Variants in SLC35E1 observed in about 807,000 individuals in gnomAD.
SLC35E1 encodes solute carrier family 35, member E1.
SLC35E1 carries 12 observed loss-of-function variants against 31.0 expected under a neutral mutation model. The ratio of observed to expected loss-of-function variants is 0.39; its 90% CI spans 0.25 to 0.63. The LOEUF is 0.63. Among genes scored for constraint, SLC35E1 ranks in the 20% least tolerant of loss-of-function variants. The pLI, the probability that SLC35E1 is intolerant of heterozygous loss-of-function variation, is 0.52. For synonymous variants in SLC35E1, 257 were observed against 264.1 expected (o/e 0.97, Z 0.26); for missense variants, 429 against 572.2 (o/e 0.75, Z 2.55).
In SLC35E1 at chr19:16,553,752, ATGT is replaced by A; in HGVS notation, c.1157_1159del (p.Asn386del). 6.2e-7 allele frequency: 1 copy of A among 1,611,848 alleles called. No individual in the cohort carries two copies. The highest frequency in any genetic ancestry group is 8.5e-7 in the Non-Finnish European group (1 of 1,178,784). On this transcript the variant is annotated inframe_deletion, in exon 6 of 6. Coordinates refer to ENST00000595753, the MANE Select transcript of SLC35E1 (RefSeq NM_024881.5). Reference sequence around the variant, plus strand: ...GCTGTATTGGAAGTGGTCTGTTAAGATGTTGTTGCGGCCGTACTGATAGTCCCC... The same window carrying A: ...GCTGTATTGGAAGTGGTCTGTTAAGATGTTGCGGCCGTACTGATAGTCCCC...
Position 16,555,790 on chromosome 19 carries a change from T to G in SLC35E1, c.757-393A>C. The G allele has an allele frequency of 4.3e-6, 1 of 232,346 alleles. No homozygotes were observed. The allele number at this position is 232,346 out of a possible 1,614,324, so 14.4% of individuals were successfully genotyped here. A position where few individuals can be genotyped will look rare whatever the true frequency, so the allele number is the denominator to read the frequency against. ...GTTGGAGGTCCTGGGAAGGTGGCTC[T>G]GAGCCTGCGAAGTACCTGGTAATAC... is the stretch of plus-strand genomic sequence containing the variant. On this transcript the variant is annotated intron_variant, in intron 4 of 5. Coordinates refer to ENST00000595753, the MANE Select transcript of SLC35E1 (RefSeq NM_024881.5). This position sits in a 1 kb window ranked among gnomAD's most constrained non-coding sequence, Gnocchi z 4.1.
intron 5 of SLC35E1, among the ~76,000 whole-genome samples, chr19:16,554,534 G>C (rs896989149): frequency 4.6e-5 from 7 of 151,850 alleles, no homozygotes; most frequent in Admixed American, 2.6e-4. Flanking sequence ...AGAAACAAAT[G>C]AAGAGGCCAG....
intron 4 of SLC35E1, among the ~76,000 whole-genome samples, chr19:16,558,201 G>T (rs1014688748): frequency 2.6e-5 from 4 of 151,688 alleles, no homozygotes; most frequent in Non-Finnish European, 1.5e-5. Context: ...CCACCACCAT[G>T]CCCAGCTAAT....
At chr19:16,569,340 TGTTAC>T (rs1249290628) in intron 2 of SLC35E1, among the ~76,000 whole-genome samples, 2 of 152,032 alleles carry the variant, frequency 1.3e-5, no homozygotes, top group African/African-American at 4.8e-5. Flanking sequence ...CCACTCTGTC[TGTTAC>T]ATCATCCGGT....
Position 16,552,379 on chromosome 19 carries a change from T to A in SLC35E1, c.*1300A>T, listed in dbSNP as rs1430203136. ...TTTTTGAGATGGAGTCTCGCTCTGT[T>A]ACCCAGGCTGGAGTGCACAATCTCG... On this transcript the variant is annotated 3_prime_UTR_variant, in exon 6 of 6. Coordinates refer to ENST00000595753, the MANE Select transcript of SLC35E1 (RefSeq NM_024881.5). 6.6e-6 allele frequency: 1 copy of A among 151,724 alleles called. No individual in the cohort carries two copies. The highest frequency in any genetic ancestry group is 1.5e-5 in the Non-Finnish European group (1 of 67,898). The allele number at this position is 151,724 out of a possible 1,614,324, so 9.4% of individuals were successfully genotyped here. A position where few individuals can be genotyped will look rare whatever the true frequency, so the allele number is the denominator to read the frequency against.
intron 2 of SLC35E1, among the ~76,000 whole-genome samples, chr19:16,570,183 C>A (rs1026771684): frequency 2.0e-5 from 3 of 152,210 alleles, no homozygotes; most frequent in Non-Finnish European, 4.4e-5. Context: ...ATGTCCCGTA[C>A]AACGGGGAAA....
intron 4 of SLC35E1, among the ~76,000 whole-genome samples, chr19:16,559,030 A>C (rs1390117277): frequency 6.6e-6 from 1 of 151,720 alleles, no homozygotes; most frequent in Non-Finnish European, 1.5e-5. Context: ...GGCCTCCCAA[A>C]GTTCTGGGAT....
Position 16,555,393 on chromosome 19 carries a change from T to A in SLC35E1, c.761A>T (p.Tyr254Phe), listed in dbSNP as rs984010174. 3.1e-6 allele frequency: 5 copies of A among 1,613,378 alleles called. No individual in the cohort carries two copies. Among genetic ancestry groups the A allele is most frequent in the Non-Finnish European group, 4.2e-6 (5 of 1,179,998 alleles). Residue 254 changes from tyrosine to phenylalanine, a missense_variant, in exon 5 of 6, where the codon TAC becomes TTC. Physicochemically the swap from Tyr to Phe is conservative, Grantham distance 22. Transcript: ENST00000595753. This position sits in a 1 kb window ranked among gnomAD's most constrained non-coding sequence, Gnocchi z 4.1. ...SAFLVSSDLTYVYQWPWTLLL... is the reference protein window; with the variant it reads ...SAFLVSSDLTFVYQWPWTLLL... ...GAGCGTCCAGGGCCACTGGTAGACGTAGGTCTGCAGAGACCGGAAGGTAAA... is the reference window on the plus strand; with the variant it reads ...GAGCGTCCAGGGCCACTGGTAGACGAAGGTCTGCAGAGACCGGAAGGTAAA...
rs898465662 is a variant in SLC35E1 at position 16,569,244 on chromosome 19, C to T, written c.493-1075G>A. Among the ~76,000 whole-genome samples, 7 of 151,934 alleles carry T rather than the reference C, an allele frequency of 4.6e-5. No homozygotes were observed. The Middle Eastern group carries it at 0.014, about 297-fold the overall frequency. On this transcript the variant is annotated intron_variant, in intron 2 of 5. Transcript: ENST00000595753. ...TTTGCCATGTTGGCCAGGATGGTCT[C>T]GATCTCTTGACCTCGTGATCTGCCC...
In SLC35E1 at chr19:16,555,346, A is replaced by G; in HGVS notation, c.808T>C (p.Phe270Leu). Residue 270 changes from phenylalanine to leucine, a missense_variant, in exon 5 of 6, where the codon TTC becomes CTC. By Grantham distance (22) the Phe-to-Leu change is conservative. Transcript: ENST00000595753. This position sits in a 1 kb window ranked among gnomAD's most constrained non-coding sequence, Gnocchi z 4.1. ...WTLLLLAVSGFCNFAQNVIAF... is the reference protein window; with the variant it reads ...WTLLLLAVSGLCNFAQNVIAF... ...ATAACATTCTGGGCAAAGTTACAGAAGCCGCTGACAGCCAGGAGCAGGAGC... is the reference window on the plus strand; with the variant it reads ...ATAACATTCTGGGCAAAGTTACAGAGGCCGCTGACAGCCAGGAGCAGGAGC... The G allele has an allele frequency of 6.2e-7, 1 of 1,614,126 alleles. No homozygotes were observed. Among genetic ancestry groups the G allele is most frequent in the Non-Finnish European group, 8.5e-7 (1 of 1,180,042 alleles).
intron 4 of SLC35E1, among the ~76,000 whole-genome samples, chr19:16,556,186 C>T (rs1419114529): frequency 6.6e-6 from 1 of 151,598 alleles, no homozygotes; most frequent in Non-Finnish European, 1.5e-5. Flanking sequence ...GCACTCCAGC[C>T]AGGGCAACAG....
chr19:16,567,000 C>T (rs141622462), intron 3 of SLC35E1, among the ~76,000 whole-genome samples: 37 of 152,280 alleles, frequency 2.4e-4, no homozygotes, highest in African/African-American at 8.2e-4. Context: ...GAGTGATTAA[C>T]GTTTCATACC....
At chr19:16,560,516 T>C (rs1450497338) in intron 4 of SLC35E1, among the ~76,000 whole-genome samples, 2 of 151,988 alleles carry the variant, frequency 1.3e-5, no homozygotes, top group East Asian at 1.9e-4. Context: ...CAACGTAGGA[T>C]TGTCAGGAGC....
intron 4 of SLC35E1, among the ~76,000 whole-genome samples, chr19:16,563,003 T>C (rs776756859): frequency 1.1e-4 from 16 of 152,236 alleles, no homozygotes; most frequent in Non-Finnish European, 2.2e-4. Context: ...TGTGAGGCAC[T>C]GTGCCTGACC....
At chr19:16,561,213 C>CAAAAAGAAAA (rs2085904069) in intron 4 of SLC35E1, among the ~76,000 whole-genome samples, 1 of 24,744 alleles carries the variant, frequency 4.0e-5, no homozygotes, top group Non-Finnish European at 5.9e-5. Flanking sequence ...GACTCCATCT[C>CAAAAAGAAAA]AAAAAAAAAA....
At chr19:16,557,171 T>G in intron 4 of SLC35E1, 1 of 339,618 alleles carries the variant, frequency 2.9e-6, no homozygotes, top group South Asian at 2.3e-5. Flanking sequence ...ATGGACTGAT[T>G]TGGCAGCACG....
chr19:16,570,099 G>A (rs1301752060), intron 2 of SLC35E1, among the ~76,000 whole-genome samples: 2 of 152,194 alleles, frequency 1.3e-5, no homozygotes, highest in Admixed American at 6.5e-5. Context: ...TAATTAGTCT[G>A]GCTGCCTAAC....
Position 16,572,327 on chromosome 19 carries a change from C to G in SLC35E1, c.38G>C (p.Gly13Ala). ...ACTGCTGCTCGCTGCGCCCGGGCCC[C>G]CCGCGCCGTGGCCCGCGCCCACCGC... Reference protein sequence around the residue: ...AAAVGAGHGAGGPGAASSSGG... With the variant: ...AAAVGAGHGAAGPGAASSSGG... The change falls in exon 1 of 6, where the codon GGG (glycine) becomes GCG (alanine). Residue 13 changes from glycine to alanine, a missense_variant. Physicochemically the swap from Gly to Ala is moderately conservative, Grantham distance 60. Transcript: ENST00000595753. The surrounding 1 kb of genome is among the most constrained non-coding windows in gnomAD (Gnocchi z 4.1). 3 of 1,190,366 alleles carry G rather than the reference C, an allele frequency of 2.5e-6. No homozygotes were observed. The highest frequency in any genetic ancestry group is 3.1e-6 in the Non-Finnish European group (3 of 955,682). The allele number at this position is 1,190,366 out of a possible 1,614,324, so 73.7% of individuals were successfully genotyped here.
At chr19:16,558,357 G>A (rs1328296182) in intron 4 of SLC35E1, among the ~76,000 whole-genome samples, 1 of 150,588 alleles carries the variant, frequency 6.6e-6, no homozygotes, top group Non-Finnish European at 1.5e-5. Flanking sequence ...TTTTTCTTGA[G>A]ACGGAGTCTC....
Sources: allele counts gnomAD v4.1 joint callset (sites outside exome capture counted in the v4.1 genomes callset), GRCh38; gene constraint gnomAD v4.1.1; non-coding constraint Gnocchi (gnomAD v3.1); transcripts MANE v1.5; gene names NCBI Gene and HGNC (gene_info 2026-07-23, HGNC 2026-07-21).